ELOF1: variants seen among roughly 807,000 people sequenced by gnomAD.
ELOF1 encodes elongation factor 1.
Under a neutral mutation model 7.1 loss-of-function variants are expected in ELOF1, and 4 were observed. The observed-to-expected ratio is 0.56, with a 90% CI of 0.28 to 1.29. ELOF1 has a LOEUF of 1.29. Among genes scored for constraint, ELOF1 ranks in the 50% most tolerant of loss-of-function variants. The pLI is 0.10. For missense variants in ELOF1, 59 were observed against 86.3 expected (o/e 0.68, Z 1.25); for synonymous variants, 31 against 31.9 (o/e 0.97, Z 0.09).
intron 1 of ELOF1, among the ~76,000 whole-genome samples, chr19:11,558,113 T>C (rs1972859677): frequency 6.6e-6 from 1 of 152,198 alleles, no homozygotes; most frequent in Admixed American, 6.5e-5. Flanking sequence ...CAACCTGCTC[T>C]TCCAGTCTTC....
chr19:11,554,359 G>A (rs1257896290), exon 2 of ELOF1: 1 of 1,613,628 alleles, frequency 6.2e-7, no homozygotes, highest in Non-Finnish European at 8.5e-7. Flanking sequence ...TCTGCAGGTG[G>A]ATGAGCCTGT....
intron 1 of ELOF1, chr19:11,554,627 C>T: frequency 2.0e-6 from 1 of 505,392 alleles, no homozygotes; most frequent in Non-Finnish European, 3.5e-6. Context: ...CTTTGTGCCA[C>T]AGTTTCCTCG....
rs1972878899 is a variant in ELOF1, at chr19:11,559,186, C to T, written c.-19+5G>A. The T allele has an allele frequency of 6.5e-6, 1 of 152,752 alleles. No individual in the cohort carries two copies. Among genetic ancestry groups the T allele is most frequent in the African/African-American group, 2.4e-5 (1 of 41,464 alleles). The allele number at this position is 152,752 out of a possible 1,614,324, so 9.5% of individuals were successfully genotyped here. ...CCCACTCGCACGAGCCGCACCAGCA[C>T]TCACCTTCTCCAGCTGCGAAAGCTC... is the stretch of plus-strand genomic sequence containing the variant. On this transcript the variant is annotated splice_donor_5th_base_variant and intron_variant, in intron 1 of 3. Coordinates refer to ENST00000586683, the Ensembl canonical transcript of ELOF1.
At chr19:11,554,436 A>C in intron 1 of ELOF1, 71 bp from the exon 2 acceptor site, 5 of 1,555,608 alleles carry the variant, frequency 3.2e-6, no homozygotes, top group Non-Finnish European at 4.4e-6. Flanking sequence ...TCTAGAAAGC[A>C]GGCCGGAAAG....
chr19:11,558,209 C>T (rs1479648096), intron 1 of ELOF1, among the ~76,000 whole-genome samples: 1 of 152,122 alleles, frequency 6.6e-6, no homozygotes, highest in Non-Finnish European at 1.5e-5. Context: ...TTCCCTCACA[C>T]ATTCCTTATG....
At chr19:11,555,194 C>T (rs1187028205) in intron 1 of ELOF1, 1 of 232,212 alleles carries the variant, frequency 4.3e-6, no homozygotes, top group Admixed American at 5.3e-5. Flanking sequence ...GAGGCGGAGA[C>T]TGCAGTGAGC....
intron 1 of ELOF1, among the ~76,000 whole-genome samples, chr19:11,556,257 TTTCA>T (rs1341375806): frequency 6.6e-6 from 1 of 151,614 alleles, no homozygotes; most frequent in East Asian, 1.9e-4. Flanking sequence ...AACAGTGGAG[TTTCA>T]TTCATTATCT....
At chr19:11,553,627 A>G (rs1599617746) in intron 3 of ELOF1, 2 of 799,778 alleles carry the variant, frequency 2.5e-6, no homozygotes, top group South Asian at 3.1e-5. Flanking sequence ...ACACACACAC[A>G]CACACGGCTG....
intron 1 of ELOF1, 68 bp from the exon 2 acceptor site, chr19:11,554,433 A>G (rs887901564): frequency 1.3e-6 from 2 of 1,559,920 alleles, no homozygotes; most frequent in African/African-American, 2.7e-5. Context: ...TGCTCTAGAA[A>G]GCAGGCCGGA....
At chr19:11,558,344 G>A (rs1437073027) in intron 1 of ELOF1, among the ~76,000 whole-genome samples, 1 of 151,934 alleles carries the variant, frequency 6.6e-6, no homozygotes, top group African/African-American at 2.4e-5. Context: ...TGGAACTCCT[G>A]GGCTCAAGAG....
chr19:11,557,723 T>C (rs1355049303), intron 1 of ELOF1, among the ~76,000 whole-genome samples: 2 of 150,664 alleles, frequency 1.3e-5, no homozygotes, highest in Non-Finnish European at 2.9e-5. Flanking sequence ...TGAAACCCCA[T>C]CTCTACTAAA....
chr19:11,557,234 C>T (rs1037142422), intron 1 of ELOF1, among the ~76,000 whole-genome samples: 1 of 152,154 alleles, frequency 6.6e-6, no homozygotes, highest in South Asian at 2.1e-4. Context: ...CTGTCCTCTG[C>T]CTCACTGGTG....
At chr19:11,553,546 ACACT>A (rs142215736) in intron 3 of ELOF1, 27,290 of 655,844 alleles carry the variant, frequency 0.042, 675 homozygotes, top group South Asian at 0.069. Flanking sequence ...ACACACACCC[ACACT>A]CACTCACACC....
At chr19:11,558,726 CAA>C (rs60765656) in intron 1 of ELOF1, among the ~76,000 whole-genome samples, 23 of 110,246 alleles carry the variant, frequency 2.1e-4, no homozygotes, top group African/African-American at 3.0e-4. Context: ...GACTCACTCT[CAA>C]AAAAAAAAAA....
chr19:11,558,726 CAAAA>C (rs60765656), intron 1 of ELOF1, among the ~76,000 whole-genome samples: 8 of 110,344 alleles, frequency 7.3e-5, no homozygotes, highest in African/African-American at 2.4e-4. Flanking sequence ...GACTCACTCT[CAAAA>C]AAAAAAAAAA....
chr19:11,553,456 G>C (rs895988981), intron 3 of ELOF1: 7 of 579,222 alleles, frequency 1.2e-5, no homozygotes, highest in African/African-American at 1.1e-4. Context: ...GATCAGTTCA[G>C]GCCCCTCAGG....
At chr19:11,558,737 A>G (rs1207363044) in intron 1 of ELOF1, among the ~76,000 whole-genome samples, 1 of 151,884 alleles carries the variant, frequency 6.6e-6, no homozygotes, top group Non-Finnish European at 1.5e-5. Context: ...AAAAAAAAAA[A>G]AAAAAGTCCA....
chr19:11,553,117 A>C, intron 3 of ELOF1: 4 of 401,622 alleles, frequency 1.0e-5, no homozygotes, highest in Non-Finnish European at 1.8e-5. Flanking sequence ...CTTCCTCTAC[A>C]AAAGCAACTG....
rs569923731 is a variant in ELOF1, at chr19:11,554,114, A to G, written c.117-33T>C. 197 of 1,614,144 alleles carry G rather than the reference A, an allele frequency of 1.2e-4. 2 individuals are homozygous for G. In the South Asian group the frequency reaches 2.1e-3, roughly 17 times the overall value. Reference sequence around the variant, plus strand: ...AGACCAAGAGAAGGGACTGGTGAGCAATGCGTCCTGGGCCTGTGGGTGATG... The same window carrying G: ...AGACCAAGAGAAGGGACTGGTGAGCGATGCGTCCTGGGCCTGTGGGTGATG... On this transcript the variant is annotated intron_variant, in intron 2 of 3. Coordinates refer to ENST00000586683, the Ensembl canonical transcript of ELOF1.
Sources: gnomAD v4.1 joint callset for allele counts (sites outside exome capture counted in the v4.1 genomes callset) on GRCh38, gnomAD v4.1.1 for gene constraint, MANE v1.5 for transcripts, NCBI Gene and HGNC (gene_info 2026-07-23, HGNC 2026-07-21) for gene names.